The following GRM6 variants were observed in gnomAD, a reference collection of about 807,000 sequenced individuals.
The protein encoded by GRM6 is metabotropic glutamate receptor 6.
Under a neutral mutation model 78.4 loss-of-function variants are expected in GRM6, and 73 were observed. The observed-to-expected ratio is 0.93, with a 90% CI of 0.77 to 1.13. The LOEUF is 1.13. GRM6 is among the 50% of genes most tolerant of loss of function. The probability of loss-of-function intolerance (pLI) is 0.00; values close to 1 mark genes in which losing one functional copy is unlikely to be tolerated. For missense variants in GRM6, 1,251 were observed against 1,256.4 expected, an observed-to-expected ratio of 1.00 and a Z score of 0.07; for synonymous variants, 580 against 555.0, an observed-to-expected ratio of 1.05 and a Z score of -0.63.
Position 178,981,796 on chromosome 5 carries a change from AG to A in GRM6, c.2494del (p.Leu832SerfsTer110). The A allele has an allele frequency of 1.2e-6, 2 of 1,612,420 alleles. No individual in the cohort carries two copies. Among genetic ancestry groups the A allele is most frequent in the Non-Finnish European group, 1.7e-6 (2 of 1,178,482 alleles). ...GGTTTTGGGTACGTAGAGCATGCCG[AG>A]GGACACCGAGGCACTCAGGCTCAAG... Reference protein sequence around the residue: ...VSLSLSASVSLGMLYVPKTYV... With the variant: ...VSLSLSASVSXGMLYVPKTYV... On this transcript the variant is annotated frameshift_variant, in exon 11 of 11. Coordinates refer to ENST00000517717, the MANE Select transcript of GRM6 (RefSeq NM_000843.4). LOFTEE classifies it high-confidence loss of function. The surrounding 1 kb of genome is among the most constrained non-coding windows in gnomAD (Gnocchi z 5.1).
At chr5:178,985,415 A>C (rs1188997416) in intron 9 of GRM6, 1 of 365,424 alleles carries the variant, frequency 2.7e-6, no homozygotes, top group Non-Finnish European at 5.3e-6. Flanking sequence ...AAAAAAAAAA[A>C]AAAACTCACT....
At chr5:178,989,200 TCCCCC>T in intron 6 of GRM6, 60 bp downstream of exon 6, 1 of 1,333,678 alleles carries the variant, frequency 7.5e-7, no homozygotes, top group Non-Finnish European at 1.0e-6. Flanking sequence ...CCTCCCGCCT[TCCCCC>T]TCCCCACCCT....
Position 178,992,374 on chromosome 5 carries a change from C to T in GRM6, c.505-291G>A, listed in dbSNP as rs1403475729. 1 of 508,784 alleles carries T rather than the reference C, an allele frequency of 2.0e-6. No homozygotes were observed. The highest frequency in any genetic ancestry group is 3.6e-6 in the Non-Finnish European group (1 of 274,690). The allele number at this position is 508,784 out of a possible 1,614,324, so 31.5% of individuals were successfully genotyped here. ...GGCAGGACCGCCACATATACTGGTA[C>T]AAGCTGTGTCCTGAACAAGGACCCC... is the stretch of plus-strand genomic sequence containing the variant. On this transcript the variant is annotated intron_variant, in intron 2 of 10. Transcript: ENST00000517717. The surrounding 1 kb of genome is among the most constrained non-coding windows in gnomAD (Gnocchi z 4.9).
chr5:178,989,845 G>A, intron 5 of GRM6: 1 of 298,398 alleles, frequency 3.4e-6, no homozygotes, highest in Non-Finnish European at 6.5e-6. Context: ...GGGAATGGTG[G>A]AACAAAGGAA....
In GRM6 at chr5:178,981,644, C is replaced by G. The variant is rs1760396934; in HGVS notation, c.*13G>C. 6.2e-7 allele frequency: 1 copy of G among 1,604,136 alleles called. No individual in the cohort carries two copies. Among genetic ancestry groups the G allele is most frequent in the Non-Finnish European group, 8.5e-7 (1 of 1,171,144 alleles). On this transcript the variant is annotated 3_prime_UTR_variant, in exon 11 of 11. Transcript: ENST00000517717. This position sits in a 1 kb window ranked among gnomAD's most constrained non-coding sequence, Gnocchi z 5.1. ...AGGAGAGGCAGCAAGCAGTCCCGTTCCCACCTGCCCTGCTACTTGTGGGCC... is the reference window on the plus strand; with the variant it reads ...AGGAGAGGCAGCAAGCAGTCCCGTTGCCACCTGCCCTGCTACTTGTGGGCC...
rs1027358018 is a variant in GRM6 at position 178,991,406 on chromosome 5, A to G, written c.857+18T>C. On this transcript the variant is annotated intron_variant, in intron 4 of 10. Coordinates refer to ENST00000517717, the MANE Select transcript of GRM6 (RefSeq NM_000843.4). This position sits in a 1 kb window ranked among gnomAD's most constrained non-coding sequence, Gnocchi z 5.0. ...CAGGGAGAGCCCCAGGGGCCCGGTGATTGTGCCACTGTCCCACCTGATGTC... is the reference window on the plus strand; with the variant it reads ...CAGGGAGAGCCCCAGGGGCCCGGTGGTTGTGCCACTGTCCCACCTGATGTC... 6.2e-7 allele frequency: 1 copy of G among 1,613,138 alleles called. No individual in the cohort carries two copies. Among genetic ancestry groups the G allele is most frequent in the Non-Finnish European group, 8.5e-7 (1 of 1,179,366 alleles).
Position 178,989,085 on chromosome 5 carries a change from G to A in GRM6, c.1204C>T (p.Gln402Ter), listed in dbSNP as rs1314147656. Residue 402 changes from glutamine to a stop codon, truncating the protein, a stop_gained, in exon 7 of 11, where the codon CAG becomes TAG. Coordinates refer to ENST00000517717, the MANE Select transcript of GRM6 (RefSeq NM_000843.4). LOFTEE classifies it high-confidence loss of function. The part of the protein sequence containing the change: ...DSTYEQEGKV[Q>*]FVIDAVYAIA... ...GCGTACACCGCATCAATCACAAACT[G>A]CACCTTGCCCTCCTGCTCGTAGGTG... The A allele has an allele frequency of 6.2e-7, 1 of 1,614,046 alleles. No individual in the cohort carries two copies. The highest frequency in any genetic ancestry group is 1.1e-5 in the South Asian group (1 of 91,062).
At position 178,994,486 on chromosome 5, in the gene GRM6, G is replaced by A. The variant is rs1428570845; in HGVS notation, c.459C>T (p.Ala153=). 28 of 1,460,664 alleles carry A rather than the reference G, an allele frequency of 1.9e-5. No homozygotes were observed. The Admixed American group carries it at 3.9e-4, about 21-fold the overall frequency. The allele number at this position is 1,460,664 out of a possible 1,614,324, so 90.5% of individuals were successfully genotyped here. A position where few individuals can be genotyped will look rare whatever the true frequency, so the allele number is the denominator to read the frequency against. ...ERVVAVVGAS[A]SSVSIMVANV... Reference sequence around the variant, plus strand: ...TGGCGACCATGATGGAGACGGAGCTGGCCGAGGCGCCCACGACGGCCACGA... The same window carrying A: ...TGGCGACCATGATGGAGACGGAGCTAGCCGAGGCGCCCACGACGGCCACGA... The change falls in exon 2 of 11, where the codon GCC becomes GCT. Residue 153 remains alanine (A), a synonymous_variant. Coordinates refer to ENST00000517717, the MANE Select transcript of GRM6 (RefSeq NM_000843.4).
chr5:178,993,450 C>T (rs1760716729), intron 2 of GRM6, among the ~76,000 whole-genome samples: 1 of 152,168 alleles, frequency 6.6e-6, no homozygotes, highest in Admixed American at 6.5e-5. Context: ...CACTGCCAAT[C>T]CGAGGAAACA....
At position 178,981,425 on chromosome 5, in the gene GRM6, C is replaced by A; in HGVS notation, c.*232G>T. ...GAACCTTCTCGGTGGCTGTTTCCCACCATGGGAAGCGAGTCTGGTCTGTGG... is the reference window on the plus strand; with the variant it reads ...GAACCTTCTCGGTGGCTGTTTCCCAACATGGGAAGCGAGTCTGGTCTGTGG... On this transcript the variant is annotated 3_prime_UTR_variant, in exon 11 of 11. Coordinates refer to ENST00000517717, the MANE Select transcript of GRM6 (RefSeq NM_000843.4). The surrounding 1 kb of genome is among the most constrained non-coding windows in gnomAD (Gnocchi z 5.1). 3 of 515,584 alleles carry A rather than the reference C, an allele frequency of 5.8e-6. No homozygotes were observed. The highest frequency in any genetic ancestry group is 3.5e-6 in the Non-Finnish European group (1 of 287,008). 31.9% of individuals were successfully genotyped at this position (515,584 alleles called of 1,614,324 possible).
intron 10 of GRM6, among the ~76,000 whole-genome samples, chr5:178,982,346 G>A (rs1309778882): frequency 6.6e-6 from 1 of 152,240 alleles, no homozygotes; most frequent in East Asian, 1.9e-4. Context: ...GGGAGGCCGA[G>A]GCAGATGGGT....
In GRM6 at chr5:178,985,435, G is replaced by A. The variant is rs553291393; in HGVS notation, c.2124+695C>T. 2.6e-5 allele frequency among the ~76,000 whole-genome samples: 4 copies of A among 151,530 alleles called. No individual in the cohort carries two copies. The South Asian group carries it at 6.3e-4, about 24-fold the overall frequency. Reference sequence around the variant, plus strand: ...AAAAAAAAAACTCACTGGGCGCAGCGGCTCCCGCCTGTCATCCCAGCACTT... The same window carrying A: ...AAAAAAAAAACTCACTGGGCGCAGCAGCTCCCGCCTGTCATCCCAGCACTT... On this transcript the variant is annotated intron_variant, in intron 9 of 10. Coordinates refer to ENST00000517717, the MANE Select transcript of GRM6 (RefSeq NM_000843.4).
chr5:178,990,672 G>A lies in GRM6; in HGVS notation c.932C>T (p.Ala311Val), dbSNP rs768258071. 1 of 1,607,326 alleles carries A rather than the reference G, an allele frequency of 6.2e-7. No homozygotes were observed. Residue 311 changes from alanine to valine, a missense_variant, in exon 5 of 11, where the codon GCC becomes GTC. By Grantham distance (64) the Ala-to-Val change is moderately conservative. Coordinates refer to ENST00000517717, the MANE Select transcript of GRM6 (RefSeq NM_000843.4). ...FLWVGSDSWG[A>V]KTSPILSLED... ...CAGGCTCAAGATGGGTGAGGTCTTGGCTCCCCAGCTGTCTGAGCCGACCCA... is the reference window on the plus strand; with the variant it reads ...CAGGCTCAAGATGGGTGAGGTCTTGACTCCCCAGCTGTCTGAGCCGACCCA...
chr5:178,983,481 G>T (rs1365764370), intron 9 of GRM6: 6 of 669,408 alleles, frequency 9.0e-6, no homozygotes. Flanking sequence ...CGTATATGTT[G>T]GCAACATCAG....
In GRM6 at chr5:178,990,596, G is replaced by T. The variant is rs138201914; in HGVS notation, c.1008C>A (p.Ile336=). 9.9e-6 allele frequency: 16 copies of T among 1,612,362 alleles called. No homozygotes were observed. The highest frequency in any genetic ancestry group is 6.7e-5 in the African/African-American group (5 of 74,920). The change falls in exon 5 of 11, where the codon ATC becomes ATA. Residue 336 remains isoleucine, a synonymous_variant. Coordinates refer to ENST00000517717, the MANE Select transcript of GRM6 (RefSeq NM_000843.4). Reference sequence around the variant, plus strand: ...ATGGAGTGCCCCTGGACTCACCGTCGATGGAGGCCCTTTTGGGCAGGATGG... The same window carrying T: ...ATGGAGTGCCCCTGGACTCACCGTCTATGGAGGCCCTTTTGGGCAGGATGG... The part of the protein sequence containing the change: ...AITILPKRAS[I]DGFDQYFMTR...
chr5:178,985,707 AAAAAAAAC>A, intron 9 of GRM6: 1 of 415,456 alleles, frequency 2.4e-6, no homozygotes, highest in Non-Finnish European at 4.7e-6. Flanking sequence ...TGTCTAAAAA[AAAAAAAAC>A]AAAACAACAC....
intron 9 of GRM6, among the ~76,000 whole-genome samples, chr5:178,985,470 GA>G (rs1760495573): frequency 1.3e-5 from 2 of 151,542 alleles, no homozygotes; most frequent in Admixed American, 6.6e-5. Flanking sequence ...TTGGGAGGCC[GA>G]GGTGGGCGGA....
Position 178,981,838 on chromosome 5 carries a change from G to A in GRM6, c.2453C>T (p.Thr818Ile). 6.2e-7 allele frequency: 1 copy of A among 1,611,404 alleles called. No individual in the cohort carries two copies. Among genetic ancestry groups the A allele is most frequent in the Middle Eastern group, 1.7e-4 (1 of 6,058 alleles). Residue 818 changes from threonine to isoleucine, a missense_variant, in exon 11 of 11, where the codon ACC becomes ATC. Physicochemically the swap from Thr to Ile is moderately conservative, Grantham distance 89. Coordinates refer to ENST00000517717, the MANE Select transcript of GRM6 (RefSeq NM_000843.4). This position sits in a 1 kb window ranked among gnomAD's most constrained non-coding sequence, Gnocchi z 5.1. Reference protein sequence around the residue: ...QSAEKIYIQTTTLTVSLSLSA... With the variant: ...QSAEKIYIQTITLTVSLSLSA... ...CAGGCTCAAGGACACGGTTAGCGTG[G>A]TTGTCTGGATGTAGATCTAGGCCAT...
At position 178,986,387 on chromosome 5, in the gene GRM6, G is replaced by A; in HGVS notation, c.1867C>T (p.Leu623Phe). 6.2e-7 allele frequency: 1 copy of A among 1,614,012 alleles called. No individual in the cohort carries two copies. The highest frequency in any genetic ancestry group is 8.5e-7 in the Non-Finnish European group (1 of 1,180,026). ...TPIVRASGRE[L>F]SYVLLTGIFL... ...ATGCCGGTGAGGAGGACGTAGCTGA[G>A]CTCTCGGCCCGAGGCCCGGACGATG... is the stretch of plus-strand genomic sequence containing the variant. The change falls in exon 9 of 11, where the codon CTC becomes TTC. Residue 623 changes from leucine (L) to phenylalanine (F), a missense_variant. Coordinates refer to ENST00000517717, the MANE Select transcript of GRM6 (RefSeq NM_000843.4).
Sources: gnomAD v4.1 joint callset for allele counts (sites outside exome capture counted in the v4.1 genomes callset) on GRCh38, gnomAD v4.1.1 for gene constraint, Gnocchi (gnomAD v3.1) non-coding constraint, MANE v1.5 for transcripts, NCBI Gene and HGNC (gene_info 2026-07-23, HGNC 2026-07-21) for gene names.